The following ZC3H7A variants were observed in gnomAD, a reference collection of about 807,000 sequenced individuals.
ZC3H7A encodes zinc finger CCCH-type containing 7A, also known as zinc finger CCCH domain-containing protein 7A.
Under a neutral mutation model 125.5 loss-of-function variants are expected in ZC3H7A, and 44 were observed. The observed-to-expected ratio is 0.35, with a 90% CI of 0.28 to 0.45. The LOEUF (loss-of-function observed/expected upper bound fraction) is 0.45, where lower values mean the gene tolerates loss of function less well. Among genes scored for constraint, ZC3H7A ranks in the 20% least tolerant of loss-of-function variants. The pLI, the probability that ZC3H7A is intolerant of heterozygous loss-of-function variation, is 1.00. For synonymous variants in ZC3H7A, 399 were observed against 391.2 expected, an observed-to-expected ratio of 1.02 and a Z score of -0.23; for missense variants, 977 against 1,170.7, an observed-to-expected ratio of 0.83 and a Z score of 2.41.
rs764670152 is a variant in ZC3H7A, at chr16:11,768,325, A to C, written c.1350T>G (p.Phe450Leu). The change falls in exon 12 of 23, where the codon TTT (phenylalanine) becomes TTG (leucine). Residue 450 changes from phenylalanine to leucine, a missense_variant. Transcript: ENST00000355758. The stretch of plus-strand genomic sequence containing the variant: ...TTGTTTGGTCCTGACCTGATTTTAC[A>C]AAACAGATCTGGCAAGCTTGTCTCA... The part of the protein sequence containing the change: ...HELRQACQIC[F>L]VKSGPKLMDF... The C allele has an allele frequency of 6.5e-7, 1 of 1,539,662 alleles. No individual in the cohort carries two copies. The highest frequency in any genetic ancestry group is 8.8e-7 in the Non-Finnish European group (1 of 1,134,752).
At chr16:11,794,963 C>A (rs544199800) in intron 1 of ZC3H7A, among the ~76,000 whole-genome samples, 107 of 152,260 alleles carry the variant, frequency 7.0e-4, no homozygotes, top group South Asian at 1.5e-3. Context: ...GGCAGGAATT[C>A]TCCACTTCGT....
chr16:11,752,941 G>T, intron 21 of ZC3H7A, 109 bp from the exon 22 acceptor site: 1 of 1,395,502 alleles, frequency 7.2e-7, no homozygotes. Context: ...TAAAACTCAG[G>T]TTAGAAATAG....
intron 1 of ZC3H7A, among the ~76,000 whole-genome samples, chr16:11,783,795 G>A (rs1286449954): frequency 6.6e-6 from 1 of 152,116 alleles, no homozygotes; most frequent in Non-Finnish European, 1.5e-5. Context: ...TTTTTTCAAA[G>A]TATAAGGGTG....
rs1242902354 is a variant in ZC3H7A, at chr16:11,751,501, A to G, written c.2732T>C (p.Met911Thr). ...TGYFSICDRY[M>T]NGTCPEGNSC... ...GTTTCCTTCTGGGCAGGTGCCATTC[A>G]TATACCTGTAAGGAGAAGTCAGCTG... The change falls in exon 23 of 23, where the codon ATG becomes ACG. Residue 911 changes from methionine (M) to threonine (T), a missense_variant. Met to Thr is a moderately conservative substitution (Grantham distance 81). This residue lies in a region of ZC3H7A where 436 missense variants were observed against 603.2 expected (regional missense o/e 0.72). Transcript: ENST00000355758. 1.2e-6 allele frequency: 2 copies of G among 1,613,536 alleles called. No individual in the cohort carries two copies. Among genetic ancestry groups the G allele is most frequent in the South Asian group, 1.1e-5 (1 of 90,888 alleles).
intron 15 of ZC3H7A, among the ~76,000 whole-genome samples, chr16:11,764,694 C>CCTGCGTGACAGAGCGAGA (rs1263629094): frequency 2.0e-5 from 3 of 152,050 alleles, no homozygotes; most frequent in Non-Finnish European, 4.4e-5. Context: ...TGCACTTCAG[C>CCTGCGTGACAGAGCGAGA]CTGGGTGACA....
rs1043596192 is a variant in ZC3H7A at position 11,758,582 on chromosome 16, A to G, written c.2320-43T>C. The G allele has an allele frequency of 1.4e-5, 20 of 1,408,168 alleles. 1 individual carries two copies. The East Asian group carries it at 4.1e-4, about 29-fold the overall frequency. 87.2% of individuals were successfully genotyped at this position (1,408,168 alleles called of 1,614,324 possible). On this transcript the variant is annotated intron_variant, in intron 19 of 22. Transcript: ENST00000355758. ...AATATGATTAAGACAAAGTACACCTAGTAAAACGGCCTAATTTTTACATTT... is the reference window on the plus strand; with the variant it reads ...AATATGATTAAGACAAAGTACACCTGGTAAAACGGCCTAATTTTTACATTT...
chr16:11,783,992 T>A (rs2053214109), intron 1 of ZC3H7A, among the ~76,000 whole-genome samples: 1 of 78,526 alleles, frequency 1.3e-5, no homozygotes, highest in African/African-American at 4.1e-5. Flanking sequence ...AGGGGGGGGC[T>A]GTGAGGTGGG....
Position 11,765,716 on chromosome 16 carries a change from A to C in ZC3H7A, c.1523-31T>G. ...AAGACAGGGAATGGACAGACATTGA[A>C]AACATGGCAATTGGCCTGTACTCCC... On this transcript the variant is annotated intron_variant, in intron 13 of 22. Coordinates refer to ENST00000355758, the MANE Select transcript of ZC3H7A (RefSeq NM_014153.4). The surrounding 1 kb of genome is among the most constrained non-coding windows in gnomAD (Gnocchi z 4.8). The C allele has an allele frequency of 6.3e-7, 1 of 1,594,956 alleles. No individual in the cohort carries two copies. The highest frequency in any genetic ancestry group is 8.6e-7 in the Non-Finnish European group (1 of 1,168,462).
chr16:11,774,321 G>A lies in ZC3H7A; in HGVS notation c.818C>T (p.Ala273Val), dbSNP rs185497328. The A allele has an allele frequency of 5.0e-6, 8 of 1,613,992 alleles. No individual in the cohort carries two copies. In the African/African-American group the frequency reaches 1.1e-4, roughly 22 times the overall value. Residue 273 changes from alanine to valine, a missense_variant, in exon 9 of 23, where the codon GCT becomes GTT. Around this residue, in one of 3 missense-constraint regions of ZC3H7A, gnomAD observed 342 missense variants for 311.3 expected, o/e 1.10. Coordinates refer to ENST00000355758, the MANE Select transcript of ZC3H7A (RefSeq NM_014153.4). Reference sequence around the variant, plus strand: ...GACCATATCTCCATCATCTAGAAAAGCTTCTGGCATAGTGAAGGGCATCTT... The same window carrying A: ...GACCATATCTCCATCATCTAGAAAAACTTCTGGCATAGTGAAGGGCATCTT... Reference protein sequence around the residue: ...GGKMPFTMPEAFLDDGDMVLG... With the variant: ...GGKMPFTMPEVFLDDGDMVLG...
intron 22 of ZC3H7A, among the ~76,000 whole-genome samples, chr16:11,751,901 AC>A (rs1402515142): frequency 2.1e-5 from 3 of 142,492 alleles, no homozygotes; most frequent in African/African-American, 5.0e-5. Context: ...TCACTGAAAA[AC>A]CTTTTTTTTT....
intron 1 of ZC3H7A, chr16:11,782,660 T>G: frequency 4.8e-6 from 1 of 208,630 alleles, no homozygotes; most frequent in Non-Finnish European, 9.2e-6. Context: ...CAGGCTGGAG[T>G]GCAGTGGCGC....
chr16:11,769,784 C>CTTTTTTTTTTTTTTTTTTTTTTTTTTT lies in ZC3H7A; in HGVS notation c.1109-690_1109-689insAAAAAAAAAAAAAAAAAAAAAAAAAAA, dbSNP rs200241879. 4.5e-4 allele frequency among the ~76,000 whole-genome samples: 28 copies of CTTTTTTTTTTTTTTTTTTTTTTTTTTT among 61,616 alleles called. 4 individuals carry two copies. Among genetic ancestry groups the CTTTTTTTTTTTTTTTTTTTTTTTTTTT allele is most frequent in the African/African-American group, 8.8e-4 (9 of 10,272 alleles). The allele number at this position is 61,616 out of a possible 152,430, so 40.4% of individuals were successfully genotyped here. On this transcript the variant is annotated intron_variant, in intron 10 of 22. Transcript: ENST00000355758. ...AATCAGTAAAGTTTTCAATTGCTTT[C>CTTTTTTTTTTTTTTTTTTTTTTTTTTT]TTTTTTTTTTTTTTTTTTTTTTTGA... is the stretch of plus-strand genomic sequence containing the variant.
intron 4 of ZC3H7A, among the ~76,000 whole-genome samples, chr16:11,777,539 G>A (rs1419525602): frequency 6.6e-6 from 1 of 151,976 alleles, no homozygotes; most frequent in African/African-American, 2.4e-5. Flanking sequence ...TGGCCAACAT[G>A]GTAAAAACCC....
intron 19 of ZC3H7A, among the ~76,000 whole-genome samples, chr16:11,760,122 G>GAAAAA (rs66812605): frequency 2.8e-4 from 23 of 82,538 alleles, no homozygotes; most frequent in Admixed American, 5.0e-4. Context: ...AAGAAAAAAT[G>GAAAAA]AAAAAAAAAA....
intron 12 of ZC3H7A, 91 bp downstream of exon 12, chr16:11,768,224 A>ATGT (rs1161754140): frequency 8.2e-7 from 1 of 1,220,966 alleles, no homozygotes; most frequent in Non-Finnish European, 1.1e-6. Context: ...ATAATAACTG[A>ATGT]TGTTGTTAAC....
chr16:11,758,560 A>G, intron 19 of ZC3H7A, 21 bp from the exon 20 acceptor site: 6 of 1,578,770 alleles, frequency 3.8e-6, no homozygotes, highest in Non-Finnish European at 5.2e-6. Context: ...AAATAGGAAT[A>G]TGATTAAGAC....
intron 21 of ZC3H7A, 39 bp downstream of exon 21, chr16:11,756,198 G>A (rs1262237113): frequency 6.3e-7 from 1 of 1,582,458 alleles, no homozygotes. Flanking sequence ...CTCCATCAAT[G>A]GCTCGGCAAA....
intron 10 of ZC3H7A, 87 bp downstream of exon 10, chr16:11,770,696 C>T: frequency 1.6e-6 from 2 of 1,218,466 alleles, no homozygotes; most frequent in Non-Finnish European, 2.3e-6. Context: ...TGTCTACTAC[C>T]TAGAGTCAGT....
In ZC3H7A at chr16:11,765,717, A is replaced by G; in HGVS notation, c.1523-32T>C. 1 of 1,594,718 alleles carries G rather than the reference A, an allele frequency of 6.3e-7. No individual in the cohort carries two copies. On this transcript the variant is annotated intron_variant, in intron 13 of 22. Coordinates refer to ENST00000355758, the MANE Select transcript of ZC3H7A (RefSeq NM_014153.4). The surrounding 1 kb of genome is among the most constrained non-coding windows in gnomAD (Gnocchi z 4.8). ...AGACAGGGAATGGACAGACATTGAA[A>G]ACATGGCAATTGGCCTGTACTCCCA...
Sources: gnomAD v4.1 joint callset for allele counts (sites outside exome capture counted in the v4.1 genomes callset) on GRCh38, gnomAD v4.1.1 for gene constraint, gnomAD v4.1.1 regional missense constraint, Gnocchi (gnomAD v3.1) non-coding constraint, MANE v1.5 for transcripts, NCBI Gene and HGNC (gene_info 2026-07-23, HGNC 2026-07-21) for gene names.